DPP10: variants seen among roughly 807,000 people sequenced by gnomAD.
DPP10 encodes the protein dipeptidyl peptidase like 10.
Under a neutral mutation model 120.9 loss-of-function variants are expected in DPP10, and 33 were observed. That is an observed-to-expected ratio of 0.27 (90% CI 0.21 to 0.37). The LOEUF (loss-of-function observed/expected upper bound fraction) is 0.37. Among genes scored for constraint, DPP10 ranks in the 10% least tolerant of loss-of-function variants. The pLI is 1.00. For synonymous variants in DPP10, 337 were observed against 326.1 expected, an observed-to-expected ratio of 1.03 and a Z score of -0.36; for missense variants, 816 against 942.8, an observed-to-expected ratio of 0.87 and a Z score of 1.76.
chr2:115,385,798 A>G (rs2066889147), intron 3 of DPP10, among the ~76,000 whole-genome samples: 1 of 152,188 alleles, frequency 6.6e-6, no homozygotes, highest in African/African-American at 2.4e-5. Context: ...GTAAGCTTTT[A>G]TCTTCCTAAT....
intron 7 of DPP10, among the ~76,000 whole-genome samples, chr2:115,726,239 C>T (rs906743731): frequency 1.3e-5 from 2 of 152,120 alleles, no homozygotes; most frequent in Admixed American, 6.6e-5. Flanking sequence ...CCAGACAAAA[C>T]GTTGGGATAA....
At chr2:114,671,816 T>C (rs917278807) in intron 1 of DPP10, among the ~76,000 whole-genome samples, 1 of 152,154 alleles carries the variant, frequency 6.6e-6, no homozygotes, top group Non-Finnish European at 1.5e-5. Flanking sequence ...TTCTAGTTTC[T>C]TGTTTCTGTT....
chr2:114,972,997 A>C (rs532774393), intron 1 of DPP10, among the ~76,000 whole-genome samples: 6 of 152,262 alleles, frequency 3.9e-5, no homozygotes, highest in African/African-American at 1.4e-4. Context: ...TTTGCATTGC[A>C]TTTTGTAATT....
intron 7 of DPP10, among the ~76,000 whole-genome samples, chr2:115,721,157 C>G (rs1485668235): frequency 6.6e-6 from 1 of 152,188 alleles, no homozygotes; most frequent in Non-Finnish European, 1.5e-5. Flanking sequence ...TGTTAGGAAT[C>G]ATGACTCCAT....
At chr2:115,446,243 TG>T (rs1366022032) in intron 3 of DPP10, among the ~76,000 whole-genome samples, 1 of 152,214 alleles carries the variant, frequency 6.6e-6, no homozygotes, top group Non-Finnish European at 1.5e-5. Context: ...TGAAAATACC[TG>T]GATGTCTAGG....
At chr2:115,493,447 A>G (rs947582169) in intron 3 of DPP10, among the ~76,000 whole-genome samples, 4 of 152,004 alleles carry the variant, frequency 2.6e-5, no homozygotes, top group Admixed American at 1.3e-4. Context: ...AAATGTCAGG[A>G]CATTAGTTGA....
intron 1 of DPP10, among the ~76,000 whole-genome samples, chr2:115,072,769 T>C (rs1249759170): frequency 6.6e-6 from 1 of 152,176 alleles, no homozygotes; most frequent in Non-Finnish European, 1.5e-5. Flanking sequence ...AAATGATGTA[T>C]ATTGAATAGA....
At position 115,842,462 on chromosome 2, in the gene DPP10, G is replaced by T. The variant is rs1245018037; in HGVS notation, c.*117G>T. The T allele has an allele frequency of 1.2e-5, 15 of 1,225,954 alleles. No homozygotes were observed. Among genetic ancestry groups the T allele is most frequent in the African/African-American group, 6.0e-5 (4 of 66,566 alleles). 75.9% of individuals were successfully genotyped at this position (1,225,954 alleles called of 1,614,324 possible). A position where few individuals can be genotyped will look rare whatever the true frequency, so the allele number is the denominator to read the frequency against. On this transcript the variant is annotated 3_prime_UTR_variant, in exon 26 of 26. Coordinates refer to ENST00000410059, the MANE Select transcript of DPP10 (RefSeq NM_020868.6). ...AGGGCAGCTTACGGAGATGTCACTG[G>T]AGCAGCACGCTCAGAGACAGTGAAC...
intron 3 of DPP10, chr2:115,440,797 T>C (rs2071967582): frequency 6.6e-6 from 1 of 152,130 alleles, no homozygotes; most frequent in Non-Finnish European, 1.5e-5. Flanking sequence ...TATAATTAGA[T>C]ACAGGGAGTA....
chr2:115,760,315 A>G (rs1272503136), intron 11 of DPP10, among the ~76,000 whole-genome samples: 2 of 152,234 alleles, frequency 1.3e-5, no homozygotes, highest in Non-Finnish European at 2.9e-5. Flanking sequence ...CTCACACTAC[A>G]GAGTACATAA....
At chr2:115,420,981 T>A (rs909863064) in intron 3 of DPP10, among the ~76,000 whole-genome samples, 1 of 152,200 alleles carries the variant, frequency 6.6e-6, no homozygotes, top group Non-Finnish European at 1.5e-5. Flanking sequence ...TTATAAGATA[T>A]ATTTCGTAAT....
chr2:115,073,754 A>C (rs1378246950), intron 1 of DPP10, among the ~76,000 whole-genome samples: 1 of 152,372 alleles, frequency 6.6e-6, no homozygotes, highest in South Asian at 2.1e-4. Context: ...GATTAAAAAT[A>C]TACTCAACAG....
intron 3 of DPP10, among the ~76,000 whole-genome samples, chr2:115,443,003 A>C (rs535604430): frequency 1.3e-5 from 2 of 152,182 alleles, no homozygotes; most frequent in African/African-American, 4.8e-5. Flanking sequence ...TATATTGCAA[A>C]ACATTTTGCA....
chr2:115,423,186 TTCA>T (rs763016822), intron 3 of DPP10, among the ~76,000 whole-genome samples: 7 of 152,126 alleles, frequency 4.6e-5, no homozygotes, highest in Non-Finnish European at 8.8e-5. Flanking sequence ...ATGTTAACTT[TTCA>T]TCATGTAACG....
At chr2:114,741,991 G>T (rs1678112616) in intron 1 of DPP10, among the ~76,000 whole-genome samples, 1 of 152,140 alleles carries the variant, frequency 6.6e-6, no homozygotes, top group Admixed American at 6.6e-5. Flanking sequence ...AACACCACAA[G>T]GAGTCAACAA....
At chr2:115,808,171 CT>C (rs1686233962) in intron 19 of DPP10, among the ~76,000 whole-genome samples, 2 of 152,184 alleles carry the variant, frequency 1.3e-5, no homozygotes, top group South Asian at 4.1e-4. Flanking sequence ...CACAATATTT[CT>C]TTTCCATTTG....
intron 1 of DPP10, among the ~76,000 whole-genome samples, chr2:115,242,078 T>G (rs4361132): frequency 0.47 from 71,485 of 151,832 alleles, 18,120 homozygotes; most frequent in Non-Finnish European, 0.58. Flanking sequence ...AGTGGTGATT[T>G]GTGAGATTTT....
chr2:115,280,011 GAGA>G (rs2060093996), intron 1 of DPP10, among the ~76,000 whole-genome samples: 1 of 152,058 alleles, frequency 6.6e-6, no homozygotes. Flanking sequence ...TGCCCAGTGG[GAGA>G]AGGTTGCTTC....
At chr2:115,249,999 G>A (rs532322059) in intron 1 of DPP10, among the ~76,000 whole-genome samples, 1 of 152,280 alleles carries the variant, frequency 6.6e-6, no homozygotes, top group Admixed American at 6.5e-5. Flanking sequence ...CTGAAAGGAT[G>A]ACAGAATTGG....
Sources: allele counts gnomAD v4.1 joint callset (sites outside exome capture counted in the v4.1 genomes callset), GRCh38; gene constraint gnomAD v4.1.1; transcripts MANE v1.5; gene names NCBI Gene and HGNC (gene_info 2026-07-23, HGNC 2026-07-21).